Variants in NUP58 observed in about 807,000 individuals in gnomAD.
The protein encoded by NUP58 is nucleoporin p58/p45.
In NUP58, 17 loss-of-function variants were observed where a neutral mutation model predicts 70.1. The observed-to-expected ratio is 0.24, with a 90% confidence interval of 0.17 to 0.36. The LOEUF is 0.36. Ranked by LOEUF, NUP58 falls within the 10% of genes least tolerant of loss-of-function variation. The probability of loss-of-function intolerance (pLI) is 1.00; values close to 1 mark genes in which losing one functional copy is unlikely to be tolerated. For synonymous variants in NUP58, 275 were observed against 257.6 expected, an observed-to-expected ratio of 1.07 and a Z score of -0.65; for missense variants, 644 against 701.5, an observed-to-expected ratio of 0.92 and a Z score of 0.93.
At chr13:25,306,000 C>T (rs1455923369) in intron 1 of NUP58, among the ~76,000 whole-genome samples, 3 of 152,128 alleles carry the variant, frequency 2.0e-5, no homozygotes, top group South Asian at 2.1e-4. Context: ...CCTGGCATAA[C>T]GCCTTGTACA....
chr13:25,343,340 A>G (rs1160814770), downstream of NUP58, among the ~76,000 whole-genome samples: 2 of 151,102 alleles, frequency 1.3e-5, no homozygotes, highest in African/African-American at 4.9e-5. Flanking sequence ...TATTATTATT[A>G]TACTTTAAGT....
chr13:25,309,807 GGAAAT>G (rs1248707958), intron 3 of NUP58, among the ~76,000 whole-genome samples: 6 of 152,002 alleles, frequency 3.9e-5, no homozygotes, highest in African/African-American at 1.2e-4. Flanking sequence ...GAAAGGAAAA[GGAAAT>G]GAAAGAACAT....
intron 13 of NUP58, chr13:25,332,894 G>T (rs1451399527): frequency 1.0e-6 from 1 of 985,228 alleles, no homozygotes; most frequent in East Asian, 1.1e-4. Flanking sequence ...CAGCTCTCAT[G>T]ATTACCTAAC....
In NUP58 at chr13:25,320,545, G is replaced by A. The variant is rs149897483; in HGVS notation, c.726G>A (p.Leu242=). The A allele has an allele frequency of 4.1e-5, 66 of 1,610,228 alleles. No individual in the cohort carries two copies. The highest frequency in any genetic ancestry group is 4.2e-6 in the Non-Finnish European group (5 of 1,177,448). ...TTTTTCTTAGGGATAGTAAAGCTCT[G>A]AAGGATGAAAATCTACCTCCTGTCA... ...TGTRPEDSKA[L]KDENLPPVIC... Residue 242 remains leucine (L), a synonymous_variant, in exon 8 of 16, where the codon CTG becomes CTA. Transcript: ENST00000381736.
chr13:25,328,738 GT>G (rs1566067949), intron 12 of NUP58, among the ~76,000 whole-genome samples: 2 of 152,116 alleles, frequency 1.3e-5, no homozygotes, highest in Non-Finnish European at 2.9e-5. Context: ...TTTTAAAAAT[GT>G]ATTTAAGTGA....
chr13:25,307,254 A>C (rs2030414323), intron 1 of NUP58, among the ~76,000 whole-genome samples: 1 of 114,856 alleles, frequency 8.7e-6, no homozygotes, highest in Non-Finnish European at 1.6e-5. Flanking sequence ...TCGCTCTGTC[A>C]CTCAAACTGG....
intron 6 of NUP58, among the ~76,000 whole-genome samples, chr13:25,318,364 C>T (rs945209209): frequency 6.6e-6 from 1 of 151,992 alleles, no homozygotes; most frequent in Non-Finnish European, 1.5e-5. Context: ...CAGGGTTTTG[C>T]CCTGTTGCCC....
At chr13:25,337,388 C>T (rs1386620615) in intron 14 of NUP58, among the ~76,000 whole-genome samples, 2 of 152,096 alleles carry the variant, frequency 1.3e-5, no homozygotes, top group Non-Finnish European at 2.9e-5. Context: ...TGAACTACTT[C>T]TGGATGATAT....
At chr13:25,323,389 AAG>A (rs1491079739) in intron 9 of NUP58, among the ~76,000 whole-genome samples, 12 of 152,114 alleles carry the variant, frequency 7.9e-5, no homozygotes, top group Non-Finnish European at 1.2e-4. Flanking sequence ...TAAAAAAAAA[AAG>A]ATTTTTATTT....
chr13:25,344,447 A>G (rs1366257781), downstream of NUP58, among the ~76,000 whole-genome samples: 1 of 152,080 alleles, frequency 6.6e-6, no homozygotes, highest in Non-Finnish European at 1.5e-5. Context: ...CTGCACCAAT[A>G]CCCCACTGCC....
At position 25,319,712 on chromosome 13, in the gene NUP58, C is replaced by T. The variant is rs962562438; in HGVS notation, c.710+362C>T. On this transcript the variant is annotated intron_variant, in intron 7 of 15. Coordinates refer to ENST00000381736, the MANE Select transcript of NUP58 (RefSeq NM_014089.4). ...AATATATGAATTATTGTGCCAGTCTCGTTTTATGTCCTGGTGTTTTCAGTG... is the reference window on the plus strand; with the variant it reads ...AATATATGAATTATTGTGCCAGTCTTGTTTTATGTCCTGGTGTTTTCAGTG... Among the ~76,000 whole-genome samples, 3 of 152,038 alleles carry T rather than the reference C, an allele frequency of 2.0e-5. No individual in the cohort carries two copies. The South Asian group carries it at 6.2e-4, about 32-fold the overall frequency.
rs146331959 is a variant in NUP58 at position 25,336,019 on chromosome 13, A to T, written c.1436-917A>T. 7 of 1,162,274 alleles carry T rather than the reference A, an allele frequency of 6.0e-6. No homozygotes were observed. The Admixed American group carries it at 3.4e-4, about 57-fold the overall frequency. The allele number at this position is 1,162,274 out of a possible 1,614,324, so 72.0% of individuals were successfully genotyped here. A position where few individuals can be genotyped will look rare whatever the true frequency, so the allele number is the denominator to read the frequency against. On this transcript the variant is annotated intron_variant, in intron 13 of 15. Transcript: ENST00000381736. ...TTTAAAAGAGAGGCTAGTAAGTTTG[A>T]TGCTATTCTTGCCAAACAAACTCAG... is the stretch of plus-strand genomic sequence containing the variant.
chr13:25,309,703 CATA>C (rs2030556056), intron 3 of NUP58, among the ~76,000 whole-genome samples: 1 of 152,082 alleles, frequency 6.6e-6, no homozygotes, highest in Non-Finnish European at 1.5e-5. Context: ...TATCCAAAGA[CATA>C]ATACTTTCTG....
intron 1 of NUP58, among the ~76,000 whole-genome samples, chr13:25,304,829 C>A (rs1013224510): frequency 2.6e-5 from 4 of 151,800 alleles, no homozygotes; most frequent in Non-Finnish European, 5.9e-5. Flanking sequence ...CACACCCAGC[C>A]GGCAGTAATG....
chr13:25,314,710 CAA>C (rs891238712), intron 5 of NUP58, among the ~76,000 whole-genome samples: 1 of 151,988 alleles, frequency 6.6e-6, no homozygotes, highest in Non-Finnish European at 1.5e-5. Context: ...ACAATAATAA[CAA>C]TAAAAAAGAA....
At chr13:25,336,163 C>A (rs377296252) in intron 13 of NUP58, 5 of 1,354,548 alleles carry the variant, frequency 3.7e-6, no homozygotes, top group Non-Finnish European at 4.9e-6. Context: ...TTGAATCTGT[C>A]AAGGTACACA....
chr13:25,321,868 G>T (rs2031200779), intron 9 of NUP58, among the ~76,000 whole-genome samples: 2 of 152,116 alleles, frequency 1.3e-5, no homozygotes, highest in African/African-American at 2.4e-5. Context: ...AGTGAGCCAA[G>T]ATTGCACCAT....
chr13:25,310,519 CT>C (rs34548230), intron 3 of NUP58, among the ~76,000 whole-genome samples: 2,786 of 53,510 alleles, frequency 0.052, 96 homozygotes, highest in African/African-American at 0.18. Context: ...TGTGCCTGGC[CT>C]TTTTTTTTTT....
At chr13:25,326,693 T>C (rs1325728682) in intron 10 of NUP58, among the ~76,000 whole-genome samples, 1 of 152,138 alleles carries the variant, frequency 6.6e-6, no homozygotes. Context: ...TTCAACCAGT[T>C]TTTCCACTAG....
Sources: allele counts gnomAD v4.1 joint callset (sites outside exome capture counted in the v4.1 genomes callset), GRCh38; gene constraint gnomAD v4.1.1; transcripts MANE v1.5; gene names NCBI Gene and HGNC (gene_info 2026-07-23, HGNC 2026-07-21).